Variants in TRIM61 observed in about 807,000 individuals in gnomAD.
TRIM61 encodes the protein tripartite motif containing 61.
A neutral mutation model predicts 14.2 loss-of-function variants in TRIM61; 1 was observed. The observed-to-expected ratio is 0.07, with a 90% CI of 0.03 to 0.33. TRIM61 has a LOEUF of 0.33. Ranked by LOEUF, TRIM61 falls within the 10% of genes least tolerant of loss-of-function variation. TRIM61 has a pLI of 0.99. For synonymous variants in TRIM61, 8 were observed against 71.6 expected (o/e 0.11, Z 4.49); for missense variants, 19 against 202.2 (o/e 0.09, Z 5.49).
chr4:164,961,153 C>CAAAAAAAAAAAAAAAAAAAAAAAA lies in TRIM61; in HGVS notation c.526-6081_526-6058dup. 1.8e-3 allele frequency among the ~76,000 whole-genome samples: 56 copies of CAAAAAAAAAAAAAAAAAAAAAAAA among 31,722 alleles called. 15 individuals carry two copies. Among genetic ancestry groups the CAAAAAAAAAAAAAAAAAAAAAAAA allele is most frequent in the Non-Finnish European group, 2.3e-3 (34 of 14,934 alleles). 20.8% of individuals were successfully genotyped at this position (31,722 alleles called of 152,430 possible). ...ATGACAGAAAATAAGAACTCTCAGG[C>CAAAAAAAAAAAAAAAAAAAAAAAA]AAAAAAAAAAAAAAAAAAAAAAAAA... On this transcript the variant is annotated intron_variant, in intron 3 of 4. Transcript: ENST00000329314.
intron 3 of TRIM61, among the ~76,000 whole-genome samples, chr4:164,962,214 G>A (rs983992388): frequency 2.0e-5 from 3 of 146,684 alleles, no homozygotes; most frequent in African/African-American, 7.6e-5. Context: ...GGACACAATA[G>A]TTACTTCTTT....
intron 3 of TRIM61, among the ~76,000 whole-genome samples, chr4:164,961,180 A>AAAAAAAAAAAAAG (rs1732128791): frequency 6.9e-6 from 1 of 144,188 alleles, no homozygotes; most frequent in African/African-American, 2.5e-5. Flanking sequence ...AAAAAAAAAA[A>AAAAAAAAAAAAAG]AAAAAAAAAA....
chr4:164,956,003 G>C (rs1325524562), intron 3 of TRIM61, among the ~76,000 whole-genome samples: 4 of 152,158 alleles, frequency 2.6e-5, no homozygotes, highest in African/African-American at 9.7e-5. Flanking sequence ...TAAGAGAAAT[G>C]AGCTTTTCTG....
chr4:164,960,407 T>A (rs1732107291), intron 3 of TRIM61, among the ~76,000 whole-genome samples: 1 of 149,818 alleles, frequency 6.7e-6, no homozygotes, highest in East Asian at 2.0e-4. Flanking sequence ...GAAAAAAAAA[T>A]AGGTAGGCAT....
At chr4:164,959,161 C>A (rs1171982067) in intron 3 of TRIM61, 1 of 166,918 alleles carries the variant, frequency 6.0e-6, no homozygotes, top group Non-Finnish European at 1.5e-5. Context: ...AGCCCCATAT[C>A]TGCTCATCTC....
intron 3 of TRIM61, among the ~76,000 whole-genome samples, chr4:164,967,526 C>T (rs1158183481): frequency 6.6e-6 from 1 of 152,186 alleles, no homozygotes; most frequent in Non-Finnish European, 1.5e-5. Flanking sequence ...AGAGGGTACT[C>T]TGTCCAGTGG....
chr4:164,965,277 G>A (rs989705902), intron 3 of TRIM61, among the ~76,000 whole-genome samples: 3 of 102,468 alleles, frequency 2.9e-5, no homozygotes, highest in Non-Finnish European at 5.8e-5. Flanking sequence ...AACAGAGTGA[G>A]CCTCCATCTC....
chr4:164,975,271 G>A (rs916383001), intron 2 of TRIM61, among the ~76,000 whole-genome samples: 6 of 150,394 alleles, frequency 4.0e-5, no homozygotes, highest in Admixed American at 4.0e-4. Context: ...CACATAGTTA[G>A]TAAACTGCAG....
At chr4:164,964,279 C>T (rs1316801125) in intron 3 of TRIM61, among the ~76,000 whole-genome samples, 3 of 148,194 alleles carry the variant, frequency 2.0e-5, no homozygotes, top group Non-Finnish European at 4.4e-5. Flanking sequence ...ACCCGGGAGG[C>T]GAAGCTTGCA....
At chr4:164,955,408 A>G (rs1204782212) in intron 3 of TRIM61, among the ~76,000 whole-genome samples, 1 of 152,018 alleles carries the variant, frequency 6.6e-6, no homozygotes, top group Non-Finnish European at 1.5e-5. Context: ...CTATGTTTTA[A>G]AAAATTTTTT....
At chr4:164,957,448 G>A (rs765667690) in intron 3 of TRIM61, 1 of 1,613,988 alleles carries the variant, frequency 6.2e-7, no homozygotes, top group South Asian at 1.1e-5. Flanking sequence ...GGACTAGAGG[G>A]TTTGGGTCTG....
chr4:164,957,116 A>C (rs1732012388), intron 3 of TRIM61: 1 of 1,591,654 alleles, frequency 6.3e-7, no homozygotes, highest in Middle Eastern at 1.7e-4. Flanking sequence ...TGGGCGAGCC[A>C]AACTGCGTTC....
chr4:164,969,242 T>C (rs1732306549), intron 3 of TRIM61: 1 of 1,389,604 alleles, frequency 7.2e-7, no homozygotes, highest in African/African-American at 1.5e-5. Flanking sequence ...GTGATAGATA[T>C]CCTTAACATT....
chr4:164,966,434 A>C (rs2111142491), intron 3 of TRIM61, among the ~76,000 whole-genome samples: 1 of 152,334 alleles, frequency 6.6e-6, no homozygotes, highest in South Asian at 2.1e-4. Context: ...ATAATACTTC[A>C]AACTGAAAAA....
chr4:164,962,445 G>A (rs1398096006), intron 3 of TRIM61, among the ~76,000 whole-genome samples: 1 of 151,656 alleles, frequency 6.6e-6, no homozygotes, highest in Non-Finnish European at 1.5e-5. Flanking sequence ...GGGTTTCACC[G>A]TGTAAGCCAG....
At position 164,955,034 on chromosome 4, in the gene TRIM61, G is replaced by T. The variant is rs1322390382; in HGVS notation, c.588C>A (p.Leu196=). The T allele has an allele frequency of 3.7e-6, 1 of 270,460 alleles. No individual in the cohort carries two copies. Among genetic ancestry groups the T allele is most frequent in the Non-Finnish European group, 7.7e-6 (1 of 129,998 alleles). The allele number at this position is 270,460 out of a possible 1,614,324, so 16.8% of individuals were successfully genotyped here. Residue 196 remains leucine, a synonymous_variant, in exon 4 of 5, where the codon CTC becomes CTA. Transcript: ENST00000329314. ...AAGAATCGCTTGATCCCGGGAGGCG[G>T]AGGTTGAAGTGAGCCGAGATCGTGC...
At chr4:164,969,278 A>G (rs1732307252) in intron 3 of TRIM61, 31 of 1,441,958 alleles carry the variant, frequency 2.1e-5, no homozygotes, top group African/African-American at 2.9e-5. Flanking sequence ...TTCTGACTTC[A>G]CATATATGCT....
intron 3 of TRIM61, 101 bp downstream of exon 3, chr4:164,968,169 GAAAAGAAAAGA>G (rs1435571690): frequency 3.7e-5 from 36 of 981,870 alleles, no homozygotes; most frequent in Non-Finnish European, 3.9e-5. Flanking sequence ...AGAGGAAAAA[GAAAAGAAAAGA>G]AAAAGAAAAG....
At chr4:164,973,541 A>AC (rs1486930930) in intron 2 of TRIM61, among the ~76,000 whole-genome samples, 1 of 152,240 alleles carries the variant, frequency 6.6e-6, no homozygotes, top group African/African-American at 2.4e-5. Context: ...GAGAGCTAAC[A>AC]ATACCTAACA....
Sources: allele counts gnomAD v4.1 joint callset (sites outside exome capture counted in the v4.1 genomes callset), GRCh38; gene constraint gnomAD v4.1.1; transcripts MANE v1.5; gene names NCBI Gene and HGNC (gene_info 2026-07-23, HGNC 2026-07-21).